KBTBD11: variants seen among roughly 807,000 people sequenced by gnomAD.
The protein encoded by KBTBD11 is kelch repeat and BTB domain containing 11.
For synonymous variants in KBTBD11, 747 were observed against 499.0 expected, an observed-to-expected ratio of 1.50 and a Z score of -6.63; for missense variants, 1,390 against 1,001.8, an observed-to-expected ratio of 1.39 and a Z score of -5.23.
rs557276479 is a variant in KBTBD11, at chr8:1,996,996, CCT to C, written c.-908-3288_-908-3287del. Reference sequence around the variant, plus strand: ...CCAGCAAGGAGGAAACTGGTCACTCCCTGTCTCCCCCGCGCGCCCCCCGTGCC... The same window carrying C: ...CCAGCAAGGAGGAAACTGGTCACTCCGTCTCCCCCGCGCGCCCCCCGTGCC... On this transcript the variant is annotated intron_variant, in intron 1 of 1. Transcript: ENST00000320248. Among the ~76,000 whole-genome samples, 14 of 152,024 alleles carry C rather than the reference CCT, an allele frequency of 9.2e-5. No homozygotes were observed. The East Asian group carries it at 2.7e-3, about 29-fold the overall frequency.
intron 1 of KBTBD11, among the ~76,000 whole-genome samples, chr8:1,992,529 A>T (rs1440336317): frequency 2.0e-5 from 3 of 152,120 alleles, no homozygotes; most frequent in Middle Eastern, 3.4e-3. Context: ...AAGGTTAGAA[A>T]TGCTCCCCAT....
chr8:1,985,305 G>A (rs778216932), intron 1 of KBTBD11, among the ~76,000 whole-genome samples: 1 of 152,262 alleles, frequency 6.6e-6, no homozygotes, highest in Non-Finnish European at 1.5e-5. Context: ...AGATCAGGGT[G>A]TGCTTTGCTT....
intron 1 of KBTBD11, among the ~76,000 whole-genome samples, chr8:1,978,954 C>T (rs1415924924): frequency 6.6e-6 from 1 of 152,198 alleles, no homozygotes; most frequent in African/African-American, 2.4e-5. Context: ...CAATGAGAGA[C>T]CCACCCCCAG....
intron 1 of KBTBD11, chr8:1,974,482 G>T: frequency 1.0e-6 from 1 of 984,226 alleles, no homozygotes; most frequent in Non-Finnish European, 1.2e-6. Context: ...CGGAGCGAAC[G>T]GGGGTCTCTC....
intron 1 of KBTBD11, among the ~76,000 whole-genome samples, chr8:1,995,306 G>A (rs1032200447): frequency 2.6e-5 from 4 of 152,100 alleles, no homozygotes; most frequent in Non-Finnish European, 5.9e-5. Context: ...GAATCCTGAA[G>A]GCAGACACTA....
chr8:1,982,560 A>T (rs944975271), intron 1 of KBTBD11, among the ~76,000 whole-genome samples: 1 of 152,168 alleles, frequency 6.6e-6, no homozygotes, highest in Non-Finnish European at 1.5e-5. Flanking sequence ...AGGGATGGGA[A>T]CAGATACTCC....
At position 2,005,135 on chromosome 8, in the gene KBTBD11, C is replaced by G. The variant is rs1055503587; in HGVS notation, c.*2071C>G. ...ATGGGGGTGGTTGCACAGTCCTGTG[C>G]GGTTCCCATGGCTTTCCAGCGTTTC... is the stretch of plus-strand genomic sequence containing the variant. On this transcript the variant is annotated 3_prime_UTR_variant, in exon 2 of 2. Coordinates refer to ENST00000320248, the MANE Select transcript of KBTBD11 (RefSeq NM_014867.3). 1.2e-5 allele frequency: 2 copies of G among 167,064 alleles called. No homozygotes were observed. Among genetic ancestry groups the G allele is most frequent in the African/African-American group, 4.8e-5 (2 of 41,430 alleles). 10.3% of individuals were successfully genotyped at this position (167,064 alleles called of 1,614,324 possible).
intron 1 of KBTBD11, among the ~76,000 whole-genome samples, chr8:1,991,732 G>T (rs1816925872): frequency 6.6e-6 from 1 of 152,034 alleles, no homozygotes; most frequent in Non-Finnish European, 1.5e-5. Context: ...AGGGAACCCA[G>T]TGATGGAGTG....
In KBTBD11 at chr8:1,973,817, C is replaced by T. The variant is rs1002869636; in HGVS notation, c.-1027C>T. 6 of 983,504 alleles carry T rather than the reference C, an allele frequency of 6.1e-6. No individual in the cohort carries two copies. Among genetic ancestry groups the T allele is most frequent in the Non-Finnish European group, 7.2e-6 (6 of 829,238 alleles). 60.9% of individuals were successfully genotyped at this position (983,504 alleles called of 1,614,324 possible). A position where few individuals can be genotyped will look rare whatever the true frequency, so the allele number is the denominator to read the frequency against. On this transcript the variant is annotated 5_prime_UTR_variant, in exon 1 of 2. Coordinates refer to ENST00000320248, the MANE Select transcript of KBTBD11 (RefSeq NM_014867.3). ...GAGGAGCAGCTCCCGCTCGCAGGTG[C>T]TCGGAGAGGCCGGGCCGCGGCTCCC...
At chr8:1,993,053 C>T (rs1270874046) in intron 1 of KBTBD11, among the ~76,000 whole-genome samples, 1 of 152,118 alleles carries the variant, frequency 6.6e-6, no homozygotes, top group Non-Finnish European at 1.5e-5. Flanking sequence ...GATCCTCTGA[C>T]CCCAGCTTCC....
chr8:1,978,811 T>C (rs1479810680), intron 1 of KBTBD11, among the ~76,000 whole-genome samples: 2 of 148,172 alleles, frequency 1.3e-5, no homozygotes, highest in Non-Finnish European at 3.0e-5. Context: ...TAAAAAAGGC[T>C]ACGGCGATCC....
In KBTBD11 at chr8:2,002,858, G is replaced by T; in HGVS notation, c.1666G>T (p.Ala556Ser). 7.2e-7 allele frequency: 1 copy of T among 1,389,470 alleles called. No individual in the cohort carries two copies. The highest frequency in any genetic ancestry group is 1.5e-5 in the African/African-American group (1 of 65,428). 86.1% of individuals were successfully genotyped at this position (1,389,470 alleles called of 1,614,324 possible). A position where few individuals can be genotyped will look rare whatever the true frequency, so the allele number is the denominator to read the frequency against. ...CACGGGCCTGCAGCCCTTCCGCTGCGCCGCCCTGGACGGCGCCATCTACTG... is the reference window on the plus strand; with the variant it reads ...CACGGGCCTGCAGCCCTTCCGCTGCTCCGCCCTGGACGGCGCCATCTACTG... ...GPTGLQPFRC[A>S]ALDGAIYCVS... The change falls in exon 2 of 2, where the codon GCC becomes TCC. Residue 556 changes from alanine to serine, a missense_variant. Physicochemically the swap from Ala to Ser is moderately conservative, Grantham distance 99. Transcript: ENST00000320248. The surrounding 1 kb of genome is among the most constrained non-coding windows in gnomAD (Gnocchi z 4.1).
intron 1 of KBTBD11, among the ~76,000 whole-genome samples, chr8:1,979,592 G>C (rs1019837352): frequency 2.6e-5 from 4 of 152,242 alleles, no homozygotes; most frequent in African/African-American, 9.6e-5. Flanking sequence ...TTGCGCCACT[G>C]CACTCCAGCC....
At chr8:1,994,284 C>T (rs1817050547) in intron 1 of KBTBD11, among the ~76,000 whole-genome samples, 1 of 151,508 alleles carries the variant, frequency 6.6e-6, no homozygotes, top group South Asian at 2.1e-4. Context: ...AGTGCTGCCC[C>T]ATCTCCTGCT....
Position 1,998,827 on chromosome 8 carries a change from A to T in KBTBD11, c.-908-1458A>T, listed in dbSNP as rs141136698. 1.8e-3 allele frequency among the ~76,000 whole-genome samples: 281 copies of T among 152,330 alleles called. 1 individual carries two copies. The highest frequency in any genetic ancestry group is 6.2e-3 in the African/African-American group (259 of 41,580). On this transcript the variant is annotated intron_variant, in intron 1 of 1. Transcript: ENST00000320248. ...TGGCTGGAAAGACTCTGCAGTCTTC[A>T]GGGCTGGTGCCCTTCACCGATGCAG...
At chr8:1,974,123 C>CCGGCAGG (rs1816228578) in intron 1 of KBTBD11, among the ~76,000 whole-genome samples, 188 bp downstream of exon 1, 1 of 2,398 alleles carries the variant, frequency 4.2e-4, no homozygotes, top group East Asian at 0.014. Context: ...GGGAGGGGAG[C>CCGGCAGG]GGAGCGGAGG....
Position 1,988,339 on chromosome 8 carries a change from C to T in KBTBD11, c.-908-11946C>T, listed in dbSNP as rs561020693. Among the ~76,000 whole-genome samples the T allele has an allele frequency of 2.6e-5, 4 of 152,324 alleles. No individual in the cohort carries two copies. The East Asian group carries it at 7.7e-4, about 29-fold the overall frequency. On this transcript the variant is annotated intron_variant, in intron 1 of 1. Transcript: ENST00000320248. ...TCCACAATGGTTGAACTAGTTTACA[C>T]TCCCACCAACAGTGTAAAAGCGTTC...
At chr8:1,998,912 C>T (rs942618874) in intron 1 of KBTBD11, among the ~76,000 whole-genome samples, 1 of 152,216 alleles carries the variant, frequency 6.6e-6, no homozygotes, top group African/African-American at 2.4e-5. Flanking sequence ...CGGCCCTGGA[C>T]TGGCCACCAC....
At chr8:1,974,297 G>T in intron 1 of KBTBD11, 1 of 984,158 alleles carries the variant, frequency 1.0e-6, no homozygotes, top group Non-Finnish European at 1.2e-6. Flanking sequence ...ACCCCGGCCG[G>T]AAGACAATGA....
Sources: gnomAD v4.1 joint callset for allele counts (sites outside exome capture counted in the v4.1 genomes callset) on GRCh38, gnomAD v4.1.1 for gene constraint, Gnocchi (gnomAD v3.1) non-coding constraint, MANE v1.5 for transcripts, NCBI Gene and HGNC (gene_info 2026-07-23, HGNC 2026-07-21) for gene names.